The following RTN4RL1 variants were observed in gnomAD, a reference collection of about 807,000 sequenced individuals.
RTN4RL1 encodes the protein reticulon-4 receptor-like 1.
RTN4RL1 carries 7 observed loss-of-function variants against 25.6 expected under a neutral mutation model. That is an observed-to-expected ratio of 0.27 (90% CI 0.16 to 0.51). The LOEUF (loss-of-function observed/expected upper bound fraction) is 0.51. Among genes scored for constraint, RTN4RL1 ranks in the 20% least tolerant of loss-of-function variants. The probability of loss-of-function intolerance (pLI) is 0.97; values close to 1 mark genes in which losing one functional copy is unlikely to be tolerated. For missense variants in RTN4RL1, 500 were observed against 615.6 expected (o/e 0.81, Z 1.99); for synonymous variants, 297 against 288.2 (o/e 1.03, Z -0.31).
chr17:1,999,691 C>T (rs2066948053), intron 1 of RTN4RL1, among the ~76,000 whole-genome samples: 2 of 151,706 alleles, frequency 1.3e-5, no homozygotes, highest in Admixed American at 1.3e-4. Flanking sequence ...CACACACACA[C>T]GCACAGGCAC....
At chr17:1,953,311 C>T (rs1434046255) in intron 1 of RTN4RL1, among the ~76,000 whole-genome samples, 2 of 151,702 alleles carry the variant, frequency 1.3e-5, no homozygotes, top group Non-Finnish European at 2.9e-5. Context: ...GAGGCTGAGG[C>T]GGGAAGATCA....
intron 1 of RTN4RL1, among the ~76,000 whole-genome samples, chr17:1,987,187 G>C (rs1456498883): frequency 6.6e-6 from 1 of 151,958 alleles, no homozygotes; most frequent in African/African-American, 2.4e-5. Flanking sequence ...GGGAGAGCCG[G>C]TCCCCTCCCC....
At chr17:2,023,891 G>A (rs919756196) in intron 1 of RTN4RL1, among the ~76,000 whole-genome samples, 1 of 152,112 alleles carries the variant, frequency 6.6e-6, no homozygotes, top group Non-Finnish European at 1.5e-5. Context: ...AGCCGCAGGC[G>A]CCGCGGCTTC....
At chr17:1,965,173 G>A (rs1343885648) in intron 1 of RTN4RL1, among the ~76,000 whole-genome samples, 4 of 148,496 alleles carry the variant, frequency 2.7e-5, no homozygotes, top group African/African-American at 5.0e-5. Flanking sequence ...GCAATGGCGC[G>A]ATCTCACCTC....
In RTN4RL1 at chr17:1,961,271, G is replaced by T. The variant is rs185415511; in HGVS notation, c.14-23463C>A. On this transcript the variant is annotated intron_variant, in intron 1 of 1. Transcript: ENST00000331238. ...AGGAAAAGTCACGAAGGGAAGGGGGGCCTGGAAGGATGACTAGAAGCTCAG... is the reference window on the plus strand; with the variant it reads ...AGGAAAAGTCACGAAGGGAAGGGGGTCCTGGAAGGATGACTAGAAGCTCAG... 1.4e-4 allele frequency among the ~76,000 whole-genome samples: 21 copies of T among 152,336 alleles called. No individual in the cohort carries two copies. In the East Asian group the frequency reaches 3.5e-3, roughly 25 times the overall value.
intron 1 of RTN4RL1, among the ~76,000 whole-genome samples, chr17:1,975,280 TG>T (rs2066838064): frequency 6.6e-6 from 1 of 152,304 alleles, no homozygotes; most frequent in Admixed American, 6.5e-5. Flanking sequence ...CCACCCTGAC[TG>T]GCTTCTTCCT....
intron 1 of RTN4RL1, among the ~76,000 whole-genome samples, chr17:1,965,808 C>T (rs1051581976): frequency 7.2e-5 from 11 of 152,148 alleles, no homozygotes; most frequent in African/African-American, 2.7e-4. Flanking sequence ...GCTCCTCAGC[C>T]CCAGGACTCT....
At chr17:1,968,633 C>T (rs1372746460) in intron 1 of RTN4RL1, among the ~76,000 whole-genome samples, 2 of 152,108 alleles carry the variant, frequency 1.3e-5, no homozygotes, top group Admixed American at 1.3e-4. Flanking sequence ...TGTTCCCTCC[C>T]ATCCCCGGGC....
At chr17:1,990,650 A>G (rs540490509) in intron 1 of RTN4RL1, among the ~76,000 whole-genome samples, 45 of 152,096 alleles carry the variant, frequency 3.0e-4, no homozygotes, top group Admixed American at 9.2e-4. Context: ...GCAGTGAGCC[A>G]TGATGACACC....
At chr17:1,997,595 C>T (rs1257861032) in intron 1 of RTN4RL1, among the ~76,000 whole-genome samples, 1 of 152,178 alleles carries the variant, frequency 6.6e-6, no homozygotes, top group Non-Finnish European at 1.5e-5. Context: ...AGGATGTCAC[C>T]GTCCCCTCTA....
chr17:1,947,938 G>C (rs544178480), intron 1 of RTN4RL1, among the ~76,000 whole-genome samples: 9 of 152,270 alleles, frequency 5.9e-5, no homozygotes, highest in African/African-American at 2.2e-4. Flanking sequence ...AGTGGGACAG[G>C]GCTGGTTGTA....
chr17:2,018,974 T>A (rs2067163765), intron 1 of RTN4RL1: 1 of 152,250 alleles, frequency 6.6e-6, no homozygotes, highest in African/African-American at 2.4e-5. Context: ...GGGCATGCTC[T>A]GTGAAGCCCG....
At chr17:2,024,773 C>CCGGCGCCGGG in intron 1 of RTN4RL1, 80 bp downstream of exon 1, 1 of 1,458,468 alleles carries the variant, frequency 6.9e-7, no homozygotes, top group Non-Finnish European at 9.2e-7. Flanking sequence ...ACCGGGAGCC[C>CCGGCGCCGGG]CGGCGCCGGG....
At chr17:1,962,985 T>A (rs1190476659) in intron 1 of RTN4RL1, among the ~76,000 whole-genome samples, 1 of 151,848 alleles carries the variant, frequency 6.6e-6, no homozygotes, top group Non-Finnish European at 1.5e-5. Flanking sequence ...TTGCCCTGGC[T>A]GGAGTGCAGA....
chr17:1,949,017 CAT>C (rs906705923), intron 1 of RTN4RL1, among the ~76,000 whole-genome samples: 1 of 150,082 alleles, frequency 6.7e-6, no homozygotes, highest in African/African-American at 2.5e-5. Flanking sequence ...AGTGCAGTGG[CAT>C]GATCTCGGCT....
At chr17:2,004,111 GTAATCC>G (rs1230724871) in intron 1 of RTN4RL1, among the ~76,000 whole-genome samples, 1 of 151,042 alleles carries the variant, frequency 6.6e-6, no homozygotes, top group African/African-American at 2.4e-5. Flanking sequence ...GCTCACGCCT[GTAATCC>G]CAGCACTTTG....
At chr17:1,992,960 G>A (rs913153045) in intron 1 of RTN4RL1, among the ~76,000 whole-genome samples, 6 of 152,102 alleles carry the variant, frequency 3.9e-5, no homozygotes, top group African/African-American at 1.4e-4. Flanking sequence ...CTACAGGTGA[G>A]GGCCGGGCGC....
intron 1 of RTN4RL1, among the ~76,000 whole-genome samples, chr17:1,942,206 C>T (rs1030267965): frequency 2.0e-5 from 3 of 152,150 alleles, no homozygotes; most frequent in East Asian, 1.9e-4. Context: ...GGCACGTGCT[C>T]GGCTGACTGC....
At position 1,998,377 on chromosome 17, in the gene RTN4RL1, A is replaced by G. The variant is rs954530181; in HGVS notation, c.13+26476T>C. On this transcript the variant is annotated intron_variant, in intron 1 of 1. Transcript: ENST00000331238. The surrounding 1 kb of genome is among the most constrained non-coding windows in gnomAD (Gnocchi z 4.9). ...TCTAGAGCCGGGGGCCCGCGCTGAG[A>G]GATCGGGGTTACCGCGCGGGGAGCC... 2.0e-5 allele frequency among the ~76,000 whole-genome samples: 3 copies of G among 151,824 alleles called. No homozygotes were observed. The highest frequency in any genetic ancestry group is 2.9e-5 in the Non-Finnish European group (2 of 67,910).
Sources: gnomAD v4.1 joint callset for allele counts (sites outside exome capture counted in the v4.1 genomes callset) on GRCh38, gnomAD v4.1.1 for gene constraint, Gnocchi (gnomAD v3.1) non-coding constraint, MANE v1.5 for transcripts, NCBI Gene and HGNC (gene_info 2026-07-23, HGNC 2026-07-21) for gene names.